LMAN2L: variants seen among roughly 807,000 people sequenced by gnomAD.
The protein encoded by LMAN2L is VIP36-like protein.
A neutral mutation model predicts 44.3 loss-of-function variants in LMAN2L; 30 were observed. The observed-to-expected ratio is 0.68, with a 90% CI of 0.51 to 0.92. The LOEUF (loss-of-function observed/expected upper bound fraction) is 0.92. Among genes scored for constraint, LMAN2L ranks in the 40% least tolerant of loss-of-function variants. The pLI is 0.00. For synonymous variants in LMAN2L, 183 were observed against 171.1 expected (o/e 1.07, Z -0.54); for missense variants, 429 against 446.1 (o/e 0.96, Z 0.35).
intron 4 of LMAN2L, among the ~76,000 whole-genome samples, chr2:96,713,947 C>T (rs899447940): frequency 1.3e-5 from 2 of 152,236 alleles, no homozygotes; most frequent in South Asian, 2.1e-4. Flanking sequence ...GACAGGTAGG[C>T]GAGGGTACAG....
chr2:96,710,567 G>A (rs771031924), intron 6 of LMAN2L, among the ~76,000 whole-genome samples: 1 of 152,168 alleles, frequency 6.6e-6, no homozygotes, highest in Non-Finnish European at 1.5e-5. Flanking sequence ...GGGAGGCTGA[G>A]GCAGGAGAAT....
chr2:96,727,911 C>T (rs890394082), intron 4 of LMAN2L, among the ~76,000 whole-genome samples: 16 of 152,162 alleles, frequency 1.1e-4, no homozygotes, highest in African/African-American at 2.4e-4. Context: ...AGACCCACTA[C>T]GTGTGTGACA....
At position 96,737,872 on chromosome 2, in the gene LMAN2L, A is replaced by C. The variant is rs150115114; in HGVS notation, c.306+77T>G. 3,605 of 819,118 alleles carry C rather than the reference A, an allele frequency of 4.4e-3. 28 individuals are homozygous for C. Among genetic ancestry groups the C allele is most frequent in the Non-Finnish European group, 6.3e-3 (2,965 of 471,134 alleles). 50.7% of individuals were successfully genotyped at this position (819,118 alleles called of 1,614,324 possible). A position where few individuals can be genotyped will look rare whatever the true frequency, so the allele number is the denominator to read the frequency against. On this transcript the variant is annotated intron_variant, in intron 2 of 7. Coordinates refer to ENST00000264963, the MANE Select transcript of LMAN2L (RefSeq NM_030805.4). ...TAGAATACCAGGGGGATAGACAGTA[A>C]AATTAAATCAGTATGCCACTGCTGA... is the stretch of plus-strand genomic sequence containing the variant.
At chr2:96,723,012 T>C (rs1269245876) in intron 4 of LMAN2L, among the ~76,000 whole-genome samples, 1 of 151,884 alleles carries the variant, frequency 6.6e-6, no homozygotes, top group Non-Finnish European at 1.5e-5. Context: ...AGAGCAAGAC[T>C]CCATCTCAAA....
chr2:96,728,925 C>T (rs1430279448), intron 4 of LMAN2L, among the ~76,000 whole-genome samples: 8 of 151,824 alleles, frequency 5.3e-5, no homozygotes, highest in Non-Finnish European at 1.0e-4. Flanking sequence ...GTAATCTCAG[C>T]ATTTTGGGAG....
At chr2:96,708,346 T>C (rs944756294) in intron 6 of LMAN2L, among the ~76,000 whole-genome samples, 1 of 152,234 alleles carries the variant, frequency 6.6e-6, no homozygotes, top group African/African-American at 2.4e-5. Flanking sequence ...GGCTTTGTGT[T>C]AGATGATTTT....
In LMAN2L at chr2:96,712,633, A is replaced by G. The variant is rs560109070; in HGVS notation, c.508-608T>C. On this transcript the variant is annotated intron_variant, in intron 4 of 7. Transcript: ENST00000264963. ...ACGGGGTTGCTGGATGGGCTCAGCC[A>G]GCCACAATGACTGTCCTTAGTCAAA... 6.6e-5 allele frequency among the ~76,000 whole-genome samples: 10 copies of G among 152,364 alleles called. 1 individual carries two copies. Among genetic ancestry groups the G allele is most frequent in the Admixed American group, 5.2e-4 (8 of 15,304 alleles).
At chr2:96,709,735 A>G (rs1015938339) in intron 6 of LMAN2L, among the ~76,000 whole-genome samples, 3 of 152,234 alleles carry the variant, frequency 2.0e-5, no homozygotes, top group Non-Finnish European at 4.4e-5. Flanking sequence ...AGTTTTCAAC[A>G]ACCTACTATA....
chr2:96,710,594 G>A (rs1468662910), intron 6 of LMAN2L, among the ~76,000 whole-genome samples: 1 of 152,104 alleles, frequency 6.6e-6, no homozygotes, highest in East Asian at 1.9e-4. Flanking sequence ...AATACAGGAG[G>A]TGGAGGTTGC....
chr2:96,733,114 G>T (rs2078441138), intron 4 of LMAN2L, among the ~76,000 whole-genome samples: 1 of 152,180 alleles, frequency 6.6e-6, no homozygotes. Flanking sequence ...AGAAGAAAAA[G>T]AAGCTGAAAA....
At position 96,710,415 on chromosome 2, in the gene LMAN2L, A is replaced by AT. The variant is rs1451365445; in HGVS notation, c.784+1240dup. Among the ~76,000 whole-genome samples, 3 of 152,198 alleles carry AT rather than the reference A, an allele frequency of 2.0e-5. No homozygotes were observed. The East Asian group carries it at 5.8e-4, about 29-fold the overall frequency. On this transcript the variant is annotated intron_variant, in intron 6 of 7. Coordinates refer to ENST00000264963, the MANE Select transcript of LMAN2L (RefSeq NM_030805.4). ...CTGGGCTCAGTGGCTCATGCCTGTA[A>AT]TCCCAGCACTTTCGGAGGCCAAGGC...
intron 4 of LMAN2L, among the ~76,000 whole-genome samples, chr2:96,726,975 T>C (rs1047647800): frequency 5.3e-5 from 8 of 151,692 alleles, no homozygotes. Context: ...TCTCACCTAC[T>C]TGGGAGGCTG....
chr2:96,728,284 G>C (rs956820935), intron 4 of LMAN2L, among the ~76,000 whole-genome samples: 1 of 151,126 alleles, frequency 6.6e-6, no homozygotes, highest in Non-Finnish European at 1.5e-5. Context: ...TCAGGAGATC[G>C]AGAGGAGATC....
rs1034134125 is a variant in LMAN2L at position 96,711,707 on chromosome 2, G to A, written c.733C>T (p.Leu245=). The A allele has an allele frequency of 1.9e-6, 3 of 1,614,022 alleles. No homozygotes were observed. The African/African-American group carries it at 4.0e-5, about 22-fold the overall frequency. ...RDCIEVPGVR[L]PRGYYFGTSS... ...GTGCCGAAGTAGTAGCCGCGGGGCA[G>A]GCGGACTCCGGGCACTTCAATGCAG... The change falls in exon 6 of 8, where the codon CTG becomes TTG. Residue 245 remains leucine, a synonymous_variant. Transcript: ENST00000264963.
At chr2:96,729,917 C>G (rs140748065) in intron 4 of LMAN2L, among the ~76,000 whole-genome samples, 56 of 152,294 alleles carry the variant, frequency 3.7e-4, no homozygotes, top group African/African-American at 1.3e-3. Context: ...GCTGCCTAGA[C>G]TGCACTTCAG....
Position 96,718,878 on chromosome 2 carries a change from G to A in LMAN2L, c.508-6853C>T, listed in dbSNP as rs562897223. 1.2e-3 allele frequency among the ~76,000 whole-genome samples: 187 copies of A among 152,270 alleles called. 8 individuals carry two copies. In the South Asian group the frequency reaches 0.037, roughly 30 times the overall value. The stretch of plus-strand genomic sequence containing the variant: ...CTCAACTGGAGGACACAGAAAAGTG[G>A]CACTTCCAGGTCTGGAAACCTTCAT... On this transcript the variant is annotated intron_variant, in intron 4 of 7. Coordinates refer to ENST00000264963, the MANE Select transcript of LMAN2L (RefSeq NM_030805.4).
chr2:96,735,205 C>T (rs1160435538), intron 2 of LMAN2L, among the ~76,000 whole-genome samples: 1 of 152,086 alleles, frequency 6.6e-6, no homozygotes, highest in African/African-American at 2.4e-5. Flanking sequence ...AATAGTTGAA[C>T]GGTTTCAAGA....
At chr2:96,717,840 T>TAAA (rs1302488358) in intron 4 of LMAN2L, among the ~76,000 whole-genome samples, 73 of 122,048 alleles carry the variant, frequency 6.0e-4, no homozygotes, top group African/African-American at 2.0e-3. Flanking sequence ...ACTCTGTCTC[T>TAAA]AAAAAAAAAA....
At chr2:96,737,091 A>G in intron 2 of LMAN2L, 1 of 448,084 alleles carries the variant, frequency 2.2e-6, no homozygotes, top group Admixed American at 2.5e-5. Flanking sequence ...ACTGGTCGTA[A>G]AAGATTTAGA....
Sources: gnomAD v4.1 joint callset for allele counts (sites outside exome capture counted in the v4.1 genomes callset) on GRCh38, gnomAD v4.1.1 for gene constraint, MANE v1.5 for transcripts, NCBI Gene and HGNC (gene_info 2026-07-23, HGNC 2026-07-21) for gene names.